RAPGEF2: variants seen among roughly 807,000 people sequenced by gnomAD.
RAPGEF2 encodes the protein Rap guanine nucleotide exchange factor 2, also known as PDZ domain containing guanine nucleotide exchange factor (GEF) 1.
Under a neutral mutation model 186.7 loss-of-function variants are expected in RAPGEF2, and 54 were observed. The observed-to-expected ratio is 0.29, with a 90% CI of 0.23 to 0.36. RAPGEF2 has a LOEUF of 0.36. Among genes scored for constraint, RAPGEF2 ranks in the 10% least tolerant of loss-of-function variants. The pLI is 1.00. For synonymous variants in RAPGEF2, 712 were observed against 705.9 expected (o/e 1.01, Z -0.14); for missense variants, 1,532 against 2,045.0 (o/e 0.75, Z 4.84).
intron 9 of RAPGEF2, among the ~76,000 whole-genome samples, chr4:159,317,044 A>T (rs1421498667): frequency 6.6e-6 from 1 of 152,200 alleles, no homozygotes; most frequent in Non-Finnish European, 1.5e-5. Flanking sequence ...AAGGGCAATT[A>T]AATGAACTGA....
rs116740789 is a variant in RAPGEF2 at position 159,337,087 on chromosome 4, G to C, written c.2136-1224G>C. On this transcript the variant is annotated intron_variant, in intron 17 of 29. Transcript: ENST00000691494. ...ATGTTTCAAGAGTTCACAGTAACAG[G>C]CTTTTTATAAATGGAAATGAGTTTG... is the stretch of plus-strand genomic sequence containing the variant. Among the ~76,000 whole-genome samples the C allele has an allele frequency of 2.6e-3, 401 of 152,240 alleles. 1 individual carries two copies. Among genetic ancestry groups the C allele is most frequent in the African/African-American group, 8.4e-3 (349 of 41,540 alleles).
intron 1 of RAPGEF2, chr4:159,128,763 T>C (rs1195337395): frequency 6.6e-6 from 1 of 150,916 alleles, no homozygotes; most frequent in Non-Finnish European, 1.5e-5. Context: ...TTAAATAGTT[T>C]TGATCATTTT....
At chr4:159,106,844 A>G (rs1737943336) in intron 1 of RAPGEF2, among the ~76,000 whole-genome samples, 1 of 152,204 alleles carries the variant, frequency 6.6e-6, no homozygotes, top group African/African-American at 2.4e-5. Context: ...TAACCTAAGA[A>G]GTTGGCTAGA....
chr4:159,323,378 C>A, intron 10 of RAPGEF2, 81 bp from the exon 11 acceptor site: 1 of 1,183,158 alleles, frequency 8.5e-7, no homozygotes, highest in Non-Finnish European at 1.2e-6. Context: ...TCTGCTAATT[C>A]ATTTTTAGGG....
chr4:159,302,701 G>T (rs1762817191), intron 7 of RAPGEF2, among the ~76,000 whole-genome samples: 1 of 152,020 alleles, frequency 6.6e-6, no homozygotes, highest in Admixed American at 6.6e-5. Flanking sequence ...CATAAATTCT[G>T]AATTTAGAGG....
chr4:159,335,050 A>G (rs762627184), intron 17 of RAPGEF2, among the ~76,000 whole-genome samples: 33 of 152,104 alleles, frequency 2.2e-4, no homozygotes, highest in Non-Finnish European at 7.4e-5. Flanking sequence ...TCATTTGTGT[A>G]TGAAGATTTT....
chr4:159,175,296 AT>A (rs34314830), intron 1 of RAPGEF2, among the ~76,000 whole-genome samples: 39,542 of 150,874 alleles, frequency 0.26, 6,633 homozygotes, highest in East Asian at 0.74. Flanking sequence ...TAAAATAATA[AT>A]TTTTTTTTTG....
intron 7 of RAPGEF2, chr4:159,268,181 A>C (rs1456911410): frequency 3.7e-6 from 6 of 1,612,294 alleles, no homozygotes; most frequent in Non-Finnish European, 5.1e-6. Flanking sequence ...ATCCCAGCTA[A>C]CCATGGAGTT....
At chr4:159,339,787 A>G (rs1019844516) in intron 19 of RAPGEF2, among the ~76,000 whole-genome samples, 9 of 152,184 alleles carry the variant, frequency 5.9e-5, no homozygotes, top group Non-Finnish European at 5.9e-5. Context: ...TGCATACCCA[A>G]CTTTTCTAGG....
intron 1 of RAPGEF2, among the ~76,000 whole-genome samples, chr4:159,123,218 A>G (rs1345770723): frequency 6.6e-6 from 1 of 152,218 alleles, no homozygotes; most frequent in Non-Finnish European, 1.5e-5. Flanking sequence ...GGCGCCTCTA[A>G]TATCCGAGTT....
In RAPGEF2 at chr4:159,119,007, C is replaced by T. The variant is rs115086527; in HGVS notation, c.69+14776C>T. Among the ~76,000 whole-genome samples, 1,307 of 152,254 alleles carry T rather than the reference C, an allele frequency of 8.6e-3. 23 individuals carry two copies. Among genetic ancestry groups the T allele is most frequent in the African/African-American group, 0.03 (1,242 of 41,532 alleles). The stretch of plus-strand genomic sequence containing the variant: ...TACTTTTTCCCATAGATTAACTTTT[C>T]ATCGTTGGTTTAATGACTGATTCAC... On this transcript the variant is annotated intron_variant, in intron 1 of 29. Coordinates refer to ENST00000691494, the MANE Select transcript of RAPGEF2 (RefSeq NM_001394067.2).
chr4:159,120,321 A>C (rs540912033), intron 1 of RAPGEF2, among the ~76,000 whole-genome samples: 6 of 127,504 alleles, frequency 4.7e-5, no homozygotes, highest in African/African-American at 1.9e-4. Context: ...CACCCAGCCA[A>C]ATCATCACTT....
At chr4:159,113,316 C>G (rs1738696712) in intron 1 of RAPGEF2, among the ~76,000 whole-genome samples, 1 of 152,110 alleles carries the variant, frequency 6.6e-6, no homozygotes, top group Non-Finnish European at 1.5e-5. Flanking sequence ...AACAGGGGAT[C>G]TTTGACCCGT....
At chr4:159,295,754 TGCGCGC>T (rs66478721) in intron 7 of RAPGEF2, among the ~76,000 whole-genome samples, 1,451 of 113,962 alleles carry the variant, frequency 0.013, 29 homozygotes, top group African/African-American at 0.04. Context: ...TGTGTGTGTG[TGCGCGC>T]GCGCGCGCGC....
chr4:159,211,942 TA>T (rs1750573906), intron 4 of RAPGEF2, among the ~76,000 whole-genome samples: 1 of 152,156 alleles, frequency 6.6e-6, no homozygotes, highest in African/African-American at 2.4e-5. Context: ...ATTGTAGTAG[TA>T]AAAATAATAG....
chr4:159,181,203 G>T (rs1045086333), intron 1 of RAPGEF2, among the ~76,000 whole-genome samples: 2 of 152,176 alleles, frequency 1.3e-5, no homozygotes, highest in African/African-American at 2.4e-5. Flanking sequence ...AGTTGAAGGC[G>T]TAGAAACTTG....
At chr4:159,338,920 T>A (rs981175145) in intron 18 of RAPGEF2, among the ~76,000 whole-genome samples, 194 bp from the exon 19 acceptor site, 1 of 152,260 alleles carries the variant, frequency 6.6e-6, no homozygotes, top group African/African-American at 2.4e-5. Flanking sequence ...CAATCTGTTA[T>A]CTTTTAGGGA....
intron 1 of RAPGEF2, among the ~76,000 whole-genome samples, chr4:159,148,657 C>T (rs1483264173): frequency 1.3e-5 from 2 of 151,998 alleles, no homozygotes; most frequent in Non-Finnish European, 2.9e-5. Context: ...TTGGAAACCA[C>T]TCTTGGGATT....
Position 159,103,220 on chromosome 4 carries a change from G to A in RAPGEF2, c.-943G>A, listed in dbSNP as rs1311047261. 6.6e-6 allele frequency: 1 copy of A among 151,936 alleles called. No homozygotes were observed. Among genetic ancestry groups the A allele is most frequent in the Non-Finnish European group, 1.5e-5 (1 of 68,004 alleles). The allele number at this position is 151,936 out of a possible 1,614,324, so 9.4% of individuals were successfully genotyped here. A position where few individuals can be genotyped will look rare whatever the true frequency, so the allele number is the denominator to read the frequency against. ...TTCGGCCCTCGGACGCCCGCGCCGG[G>A]AGTCCGAACCCGGGCTGTCCGCGGC... On this transcript the variant is annotated 5_prime_UTR_variant, in exon 1 of 30. Transcript: ENST00000691494.
Sources: gnomAD v4.1 joint callset for allele counts (sites outside exome capture counted in the v4.1 genomes callset) on GRCh38, gnomAD v4.1.1 for gene constraint, MANE v1.5 for transcripts, NCBI Gene and HGNC (gene_info 2026-07-23, HGNC 2026-07-21) for gene names.